Variants in CREBBP observed in about 807,000 individuals in gnomAD.
CREBBP encodes the protein CREB binding lysine acetyltransferase.
A neutral mutation model predicts 265.0 loss-of-function variants in CREBBP; 19 were observed. The observed-to-expected ratio is 0.07, with a 90% confidence interval of 0.05 to 0.11. The LOEUF is 0.11. Ranked by LOEUF, CREBBP falls within the 10% of genes least tolerant of loss-of-function variation. The pLI is 1.00. For synonymous variants in CREBBP, 1,457 were observed against 1,223.7 expected (o/e 1.19, Z -3.98); for missense variants, 2,525 against 3,219.0 (o/e 0.78, Z 5.22).
At chr16:3,765,067 G>T (rs890440216) in intron 16 of CREBBP, among the ~76,000 whole-genome samples, 10 of 152,000 alleles carry the variant, frequency 6.6e-5, no homozygotes, top group African/African-American at 2.2e-4. Context: ...TCTGCCTCCT[G>T]GGTTCACACC....
intron 13 of CREBBP, among the ~76,000 whole-genome samples, chr16:3,772,907 T>C (rs1205489504): frequency 1.1e-3 from 21 of 19,168 alleles, no homozygotes; most frequent in Non-Finnish European, 2.6e-3. Context: ...CCGTCTCTAC[T>C]AAAAATACAA....
rs1443048838 is a variant in CREBBP at position 3,729,609 on chromosome 16, T to C, written c.5438A>G (p.Asn1813Ser). ...QHTKGCKRKT[N>S]GGCPVCKQLI... Reference sequence around the variant, plus strand: ...CTGCTTGCACACCGGGCAGCCCCCGTTGGTCTTGCGTTTGCAGCCCTTGGT... The same window carrying C: ...CTGCTTGCACACCGGGCAGCCCCCGCTGGTCTTGCGTTTGCAGCCCTTGGT... The change falls in exon 31 of 31, where the codon AAC becomes AGC. Residue 1813 changes from asparagine (N) to serine (S), a missense_variant. This residue lies in a region of CREBBP where 53 missense variants were observed against 146.3 expected (regional missense o/e 0.36). Coordinates refer to ENST00000262367, the MANE Select transcript of CREBBP (RefSeq NM_004380.3). 6.2e-7 allele frequency: 1 copy of C among 1,614,172 alleles called. No homozygotes were observed. The highest frequency in any genetic ancestry group is 8.5e-7 in the Non-Finnish European group (1 of 1,180,000).
chr16:3,844,147 CAAAAAAAAAAAAAAA>C (rs545907683), intron 2 of CREBBP, among the ~76,000 whole-genome samples: 1 of 19,714 alleles, frequency 5.1e-5, no homozygotes, highest in African/African-American at 2.0e-4. Context: ...GACTCCGTCT[CAAAAAAAAAAAAAAA>C]AAAAAAAAAA....
At chr16:3,752,571 C>T (rs1050793393) in intron 19 of CREBBP, among the ~76,000 whole-genome samples, 28 of 151,660 alleles carry the variant, frequency 1.8e-4, no homozygotes, top group African/African-American at 6.5e-4. Flanking sequence ...AGACTTTCCA[C>T]CCATTTATCA....
chr16:3,851,800 G>A (rs2054844759), intron 1 of CREBBP, among the ~76,000 whole-genome samples: 1 of 142,746 alleles, frequency 7.0e-6, no homozygotes, highest in African/African-American at 2.7e-5. Context: ...CTTGCAGTGA[G>A]CCGAGATTGC....
chr16:3,878,949 T>C lies in CREBBP; in HGVS notation c.85+883A>G, dbSNP rs1415368902. ...TTAAGAAAGTTTCCAGGGAAGCCGT[T>C]TAATGAAAGGAAACAAACAAAAAGA... On this transcript the variant is annotated intron_variant, in intron 1 of 30. Coordinates refer to ENST00000262367, the MANE Select transcript of CREBBP (RefSeq NM_004380.3). 2.0e-5 allele frequency among the ~76,000 whole-genome samples: 3 copies of C among 151,102 alleles called. No homozygotes were observed. The East Asian group carries it at 5.8e-4, about 29-fold the overall frequency.
chr16:3,871,088 G>T (rs964853644), intron 1 of CREBBP, among the ~76,000 whole-genome samples: 1 of 148,222 alleles, frequency 6.7e-6, no homozygotes, highest in Non-Finnish European at 1.5e-5. Context: ...AAAAGAGAAA[G>T]AAAGAAAGAA....
At chr16:3,795,265 G>GTA (rs984639160) in intron 3 of CREBBP, among the ~76,000 whole-genome samples, 16 of 152,112 alleles carry the variant, frequency 1.1e-4, no homozygotes, top group Admixed American at 5.2e-4. Context: ...GATTATAAAA[G>GTA]TATATATATA....
chr16:3,768,149 T>G (rs1476267156), intron 15 of CREBBP, among the ~76,000 whole-genome samples: 7 of 112,988 alleles, frequency 6.2e-5, no homozygotes, highest in Admixed American at 8.7e-5. Context: ...TTTTTTTTTT[T>G]TTTTTTTTTT....
Position 3,773,906 on chromosome 16 carries a change from G to A in CREBBP, c.2308C>T (p.Pro770Ser). Residue 770 changes from proline to serine, a missense_variant, in exon 13 of 31, where the codon CCT becomes TCT. Around this residue, in one of 19 missense-constraint regions of CREBBP, gnomAD observed 548 missense variants for 533.0 expected, o/e 1.03. Coordinates refer to ENST00000262367, the MANE Select transcript of CREBBP (RefSeq NM_004380.3). ...PGMAISPSRM[P>S]QPPNMMGAHT... ...GCACCCATCATGTTCGGAGGCTGAG[G>A]CATTCGGGAAGGAGAAATGGCCATC... 1 of 1,612,264 alleles carries A rather than the reference G, an allele frequency of 6.2e-7. No individual in the cohort carries two copies. The highest frequency in any genetic ancestry group is 1.1e-5 in the South Asian group (1 of 90,998).
chr16:3,856,144 G>A (rs2054959114), intron 1 of CREBBP, among the ~76,000 whole-genome samples: 1 of 152,082 alleles, frequency 6.6e-6, no homozygotes, highest in South Asian at 2.1e-4. Context: ...TTTATTTTAT[G>A]TTTTAGAGAT....
At chr16:3,849,209 G>C (rs1036222725) in intron 2 of CREBBP, among the ~76,000 whole-genome samples, 5 of 76,386 alleles carry the variant, frequency 6.5e-5, no homozygotes, top group African/African-American at 2.4e-4. Flanking sequence ...GGAATAGGCT[G>C]CCCTTCCTTC....
At chr16:3,878,486 T>C (rs1193060777) in intron 1 of CREBBP, among the ~76,000 whole-genome samples, 1 of 152,230 alleles carries the variant, frequency 6.6e-6, no homozygotes, top group Non-Finnish European at 1.5e-5. Context: ...AAAAATCGCT[T>C]TTCACTTCTA....
rs1256902034 is a variant in CREBBP, at chr16:3,778,049, G to A, written c.2075C>T (p.Pro692Leu). The change falls in exon 10 of 31, where the codon CCC (proline) becomes CTC (leucine). Residue 692 changes from proline (P) to leucine (L), a missense_variant. Pro to Leu is a moderately conservative substitution (Grantham distance 98). Coordinates refer to ENST00000262367, the MANE Select transcript of CREBBP (RefSeq NM_004380.3). Reference protein sequence around the residue: ...QPALPAPGAQPPVIPQAQPVR... With the variant: ...QPALPAPGAQLPVIPQAQPVR... The stretch of plus-strand genomic sequence containing the variant: ...AGGTTGTGCCTGTGGAATCACAGGG[G>A]GCTGAGCCCCCGGGGCTGGTAAGGC... 5 of 1,614,076 alleles carry A rather than the reference G, an allele frequency of 3.1e-6. No homozygotes were observed. The African/African-American group carries it at 5.3e-5, about 17-fold the overall frequency.
At chr16:3,811,415 A>T (rs2053935802) in intron 2 of CREBBP, among the ~76,000 whole-genome samples, 2 of 152,236 alleles carry the variant, frequency 1.3e-5, no homozygotes, top group African/African-American at 2.4e-5. Context: ...ACGTGAAGAC[A>T]ATGAGGATGA....
chr16:3,869,426 T>G (rs1400920362), intron 1 of CREBBP, among the ~76,000 whole-genome samples: 1 of 152,354 alleles, frequency 6.6e-6, no homozygotes, highest in East Asian at 1.9e-4. Context: ...CATTTTTAAT[T>G]TGGAGTCTTG....
At chr16:3,782,440 C>T (rs1045624955) in intron 6 of CREBBP, among the ~76,000 whole-genome samples, 8 of 152,222 alleles carry the variant, frequency 5.3e-5, no homozygotes, top group Non-Finnish European at 8.8e-5. Context: ...TTATGAAAAC[C>T]GTCCAGACAG....
intron 1 of CREBBP, among the ~76,000 whole-genome samples, chr16:3,851,656 C>T (rs1187707983): frequency 1.3e-5 from 2 of 151,932 alleles, no homozygotes; most frequent in South Asian, 2.1e-4. Flanking sequence ...AGAGCGAGAC[C>T]ATCCTGGCTA....
chr16:3,736,229 G>C (rs755252589), intron 27 of CREBBP, 26 bp from the exon 28 acceptor site: 5 of 1,611,398 alleles, frequency 3.1e-6, no homozygotes, highest in African/African-American at 1.3e-5. Context: ...ACAACAGTGA[G>C]ATGAGGGCCA....
Sources: gnomAD v4.1 joint callset for allele counts (sites outside exome capture counted in the v4.1 genomes callset) on GRCh38, gnomAD v4.1.1 for gene constraint, gnomAD v4.1.1 regional missense constraint, MANE v1.5 for transcripts, NCBI Gene and HGNC (gene_info 2026-07-23, HGNC 2026-07-21) for gene names.